Variants in IPCEF1 observed in about 807,000 individuals in gnomAD.
The protein encoded by IPCEF1 is interactor protein for cytohesin exchange factors 1.
A neutral mutation model predicts 50.9 loss-of-function variants in IPCEF1; 31 were observed. The ratio of observed to expected loss-of-function variants is 0.61; its 90% CI spans 0.46 to 0.82. The LOEUF (loss-of-function observed/expected upper bound fraction) is 0.82, where lower values mean the gene tolerates loss of function less well. Among genes scored for constraint, IPCEF1 ranks in the 40% least tolerant of loss-of-function variants. The pLI is 0.00. For missense variants in IPCEF1, 458 were observed against 514.0 expected (o/e 0.89, Z 1.05); for synonymous variants, 181 against 192.0 (o/e 0.94, Z 0.47).
intron 1 of IPCEF1, among the ~76,000 whole-genome samples, chr6:154,304,490 T>C (rs1782881117): frequency 7.0e-6 from 1 of 142,538 alleles, no homozygotes; most frequent in Admixed American, 7.3e-5. Context: ...TGTTCCCAAC[T>C]CATAGCCCAT....
intron 1 of IPCEF1, among the ~76,000 whole-genome samples, chr6:154,340,925 G>A (rs73571066): frequency 2.7e-5 from 1 of 36,818 alleles, no homozygotes; most frequent in Admixed American, 4.1e-4. Context: ...GTATATATAT[G>A]TGTGTGTGTG....
rs1778847424 is a variant in IPCEF1 at position 154,221,381 on chromosome 6, A to G, written c.321-53T>C. On this transcript the variant is annotated intron_variant, in intron 6 of 11. Coordinates refer to ENST00000367220, the MANE Select transcript of IPCEF1 (RefSeq NM_001130700.2). ...AAAAAATTAGTGTTTATAGTCAACA[A>G]TGGGTCTGAAAGTAAATCAGTAAAA... 2.2e-6 allele frequency: 3 copies of G among 1,370,274 alleles called. No individual in the cohort carries two copies. The South Asian group carries it at 3.6e-5, about 16-fold the overall frequency. The allele number at this position is 1,370,274 out of a possible 1,614,324, so 84.9% of individuals were successfully genotyped here. A position where few individuals can be genotyped will look rare whatever the true frequency, so the allele number is the denominator to read the frequency against.
At chr6:154,245,574 T>C (rs763665887) in intron 5 of IPCEF1, among the ~76,000 whole-genome samples, 2 of 152,254 alleles carry the variant, frequency 1.3e-5, no homozygotes, top group Admixed American at 6.5e-5. Flanking sequence ...TAAAGTTACA[T>C]GATGTACAGC....
Position 154,263,868 on chromosome 6 carries a change from C to T in IPCEF1, c.36+2044G>A, listed in dbSNP as rs866237087. The stretch of plus-strand genomic sequence containing the variant: ...CTCCCGGACGGGGCGGCTGGCCGGG[C>T]GGGGGGCTGACCCCCCCACCTCCCT... On this transcript the variant is annotated intron_variant, in intron 3 of 11. Transcript: ENST00000367220. Among the ~76,000 whole-genome samples, 5 of 50,548 alleles carry T rather than the reference C, an allele frequency of 9.9e-5. 1 individual carries two copies. Among genetic ancestry groups the T allele is most frequent in the Admixed American group, 5.8e-4 (2 of 3,458 alleles). The allele number at this position is 50,548 out of a possible 152,430, so 33.2% of individuals were successfully genotyped here.
At chr6:154,304,033 G>C (rs1323231291) in intron 1 of IPCEF1, among the ~76,000 whole-genome samples, 1 of 152,112 alleles carries the variant, frequency 6.6e-6, no homozygotes, top group Non-Finnish European at 1.5e-5. Flanking sequence ...AGAGCAGCCT[G>C]GTGCAACATA....
intron 1 of IPCEF1, among the ~76,000 whole-genome samples, chr6:154,339,693 G>A (rs1212083028): frequency 2.0e-5 from 3 of 152,066 alleles, no homozygotes; most frequent in Non-Finnish European, 4.4e-5. Flanking sequence ...GGGATCAAGT[G>A]ATTCTTCCAC....
chr6:154,186,214 A>G (rs2128574610), intron 10 of IPCEF1, among the ~76,000 whole-genome samples: 2 of 152,372 alleles, frequency 1.3e-5, no homozygotes, highest in South Asian at 4.1e-4. Flanking sequence ...TCTGTGAGGC[A>G]TTTCAAATTC....
At chr6:154,341,651 GCT>G (rs1378954077) in intron 1 of IPCEF1, among the ~76,000 whole-genome samples, 1 of 152,034 alleles carries the variant, frequency 6.6e-6, no homozygotes, top group Non-Finnish European at 1.5e-5. Flanking sequence ...CCTCCTTTTG[GCT>G]CTTTTTCCTG....
intron 5 of IPCEF1, among the ~76,000 whole-genome samples, chr6:154,229,631 C>T (rs990278522): frequency 4.6e-5 from 7 of 152,080 alleles, no homozygotes; most frequent in African/African-American, 1.7e-4. Context: ...GCTGGGATTA[C>T]AGGCGTGAGC....
chr6:154,268,708 T>C (rs1318632907), intron 2 of IPCEF1, among the ~76,000 whole-genome samples: 3 of 152,078 alleles, frequency 2.0e-5, no homozygotes, highest in African/African-American at 7.2e-5. Flanking sequence ...CTCCGGCCCT[T>C]CCTTGGGTTG....
chr6:154,334,027 C>A (rs1667829980), intron 1 of IPCEF1, among the ~76,000 whole-genome samples: 1 of 152,206 alleles, frequency 6.6e-6, no homozygotes, highest in South Asian at 2.1e-4. Context: ...CTGAAACAAT[C>A]TTCAAAAACA....
intron 9 of IPCEF1, among the ~76,000 whole-genome samples, chr6:154,201,721 C>T (rs1777085449): frequency 6.6e-6 from 1 of 151,994 alleles, no homozygotes; most frequent in African/African-American, 2.4e-5. Context: ...ATGGCGAAAC[C>T]CCGTCTCTAC....
At chr6:154,302,179 T>C (rs1212394206) in intron 1 of IPCEF1, among the ~76,000 whole-genome samples, 1 of 152,256 alleles carries the variant, frequency 6.6e-6, no homozygotes, top group Non-Finnish European at 1.5e-5. Context: ...ATCTGACAGC[T>C]AGCTTCTGTT....
intron 9 of IPCEF1, among the ~76,000 whole-genome samples, chr6:154,211,661 A>G (rs2128605095): frequency 6.6e-6 from 1 of 152,360 alleles, no homozygotes; most frequent in Non-Finnish European, 1.5e-5. Flanking sequence ...ACATATTAAA[A>G]TCAAGAACAT....
At chr6:154,189,935 C>A (rs1801717975) in intron 10 of IPCEF1, among the ~76,000 whole-genome samples, 1 of 146,972 alleles carries the variant, frequency 6.8e-6, no homozygotes, top group African/African-American at 2.6e-5. Context: ...CAGAGTAAGA[C>A]TCAGTCTCAA....
intron 2 of IPCEF1, among the ~76,000 whole-genome samples, chr6:154,275,169 T>C (rs1266917943): frequency 6.6e-6 from 1 of 152,154 alleles, no homozygotes; most frequent in Non-Finnish European, 1.5e-5. Context: ...TAGGAGCCAG[T>C]TACTCTAAGA....
chr6:154,251,391 A>T (rs1342752164), intron 3 of IPCEF1, among the ~76,000 whole-genome samples: 2 of 152,190 alleles, frequency 1.3e-5, no homozygotes, highest in African/African-American at 2.4e-5. Context: ...CTCTTATTTT[A>T]AAAAACCACA....
chr6:154,156,390 G>C lies in IPCEF1; in HGVS notation c.*3438C>G, dbSNP rs1199345857. On this transcript the variant is annotated 3_prime_UTR_variant, in exon 12 of 12. Transcript: ENST00000367220. ...CTATGTGCCAACAGCAACTTCACAA[G>C]GTAACAGGTGAAGCGAGGTGGGGGG... The C allele has an allele frequency of 6.6e-6, 1 of 152,294 alleles. No homozygotes were observed. Among genetic ancestry groups the C allele is most frequent in the Non-Finnish European group, 1.5e-5 (1 of 68,102 alleles). The allele number at this position is 152,294 out of a possible 1,614,324, so 9.4% of individuals were successfully genotyped here.
intron 1 of IPCEF1, among the ~76,000 whole-genome samples, chr6:154,332,012 G>T (rs1332724536): frequency 2.0e-5 from 3 of 152,032 alleles, no homozygotes; most frequent in African/African-American, 7.2e-5. Context: ...TTTCACTCCT[G>T]TTCTAAAACT....
Sources: allele counts gnomAD v4.1 joint callset (sites outside exome capture counted in the v4.1 genomes callset), GRCh38; gene constraint gnomAD v4.1.1; transcripts MANE v1.5; gene names NCBI Gene and HGNC (gene_info 2026-07-23, HGNC 2026-07-21).